Variants in PTPRT observed in about 807,000 individuals in gnomAD.
PTPRT encodes protein tyrosine phosphatase receptor type T, also known as receptor-type tyrosine-protein phosphatase T.
Under a neutral mutation model 176.8 loss-of-function variants are expected in PTPRT, and 56 were observed. That is an observed-to-expected ratio of 0.32 (90% confidence interval 0.26 to 0.40). PTPRT has a LOEUF of 0.40. Among genes scored for constraint, PTPRT ranks in the 10% least tolerant of loss-of-function variants. PTPRT has a pLI of 1.00. For synonymous variants in PTPRT, 783 were observed against 739.0 expected (o/e 1.06, Z -0.96); for missense variants, 1,540 against 1,908.2 (o/e 0.81, Z 3.60).
At chr20:42,799,752 C>A (rs1024510979) in intron 2 of PTPRT, among the ~76,000 whole-genome samples, 5 of 152,232 alleles carry the variant, frequency 3.3e-5, no homozygotes, top group African/African-American at 1.2e-4. Context: ...TTTAACCACA[C>A]ACTGCCCCGT....
chr20:42,532,963 C>T (rs2072411470), intron 7 of PTPRT, among the ~76,000 whole-genome samples: 1 of 152,152 alleles, frequency 6.6e-6, no homozygotes, highest in South Asian at 2.1e-4. Flanking sequence ...TCTCAAATCC[C>T]CACTCTTAAT....
intron 17 of PTPRT, among the ~76,000 whole-genome samples, chr20:42,160,449 A>G (rs542495972): frequency 6.6e-6 from 1 of 152,136 alleles, no homozygotes; most frequent in African/African-American, 2.4e-5. Context: ...GATTTGAAAC[A>G]AAAAGAGTGA....
intron 7 of PTPRT, among the ~76,000 whole-genome samples, chr20:42,561,411 T>G (rs1219422198): frequency 6.6e-6 from 1 of 152,146 alleles, no homozygotes; most frequent in East Asian, 1.9e-4. Flanking sequence ...TTGATGCATA[T>G]TTAATACCAA....
chr20:43,033,313 C>T (rs1986226188), intron 1 of PTPRT, among the ~76,000 whole-genome samples: 1 of 152,158 alleles, frequency 6.6e-6, no homozygotes, highest in Non-Finnish European at 1.5e-5. Flanking sequence ...CTCTCCCTGG[C>T]AGCTTCCTCC....
At chr20:42,795,440 T>C (rs773581642) in intron 2 of PTPRT, among the ~76,000 whole-genome samples, 64 of 152,250 alleles carry the variant, frequency 4.2e-4, no homozygotes, top group Non-Finnish European at 4.7e-4. Context: ...TGTTTACACA[T>C]GAGCACCTCA....
Position 42,359,659 on chromosome 20 carries a change from G to A in PTPRT, c.1561-7374C>T, listed in dbSNP as rs140109835. Among the ~76,000 whole-genome samples the A allele has an allele frequency of 5.7e-3, 875 of 152,338 alleles. 6 individuals are homozygous for A. Among genetic ancestry groups the A allele is most frequent in the Non-Finnish European group, 9.2e-3 (623 of 68,034 alleles). ...GCTCTATTTTGTACCCTCACCAGCCGAAGGGCCCTGGAGACAACAGAACAG... is the reference window on the plus strand; with the variant it reads ...GCTCTATTTTGTACCCTCACCAGCCAAAGGGCCCTGGAGACAACAGAACAG... On this transcript the variant is annotated intron_variant, in intron 9 of 30. Coordinates refer to ENST00000373187, the MANE Select transcript of PTPRT (RefSeq NM_007050.6).
At chr20:42,200,761 A>G (rs1161074003) in intron 15 of PTPRT, among the ~76,000 whole-genome samples, 1 of 152,212 alleles carries the variant, frequency 6.6e-6, no homozygotes. Flanking sequence ...TTATCACATG[A>G]AAGGCTATAG....
chr20:42,847,919 T>G (rs534426894), intron 2 of PTPRT, among the ~76,000 whole-genome samples: 156 of 152,320 alleles, frequency 1.0e-3, no homozygotes, highest in Admixed American at 3.1e-3. Context: ...TTCTGAGAGT[T>G]TGGTGTACCC....
At chr20:42,322,714 T>A (rs553366042) in intron 11 of PTPRT, among the ~76,000 whole-genome samples, 1 of 151,818 alleles carries the variant, frequency 6.6e-6, no homozygotes, top group African/African-American at 2.4e-5. Context: ...GGACTTCATG[T>A]CTAAAACACC....
intron 7 of PTPRT, among the ~76,000 whole-genome samples, chr20:42,476,433 G>C (rs1035844832): frequency 1.3e-5 from 2 of 152,164 alleles, no homozygotes; most frequent in African/African-American, 4.8e-5. Flanking sequence ...GCTGTGCCTG[G>C]ATCTCCTGTG....
chr20:42,615,699 A>G (rs2074061032), intron 7 of PTPRT, among the ~76,000 whole-genome samples: 2 of 124,162 alleles, frequency 1.6e-5, no homozygotes, highest in Admixed American at 7.5e-5. Context: ...GATGATGAGC[A>G]TTTTTTCATG....
At chr20:42,905,617 CAT>C (rs1301995194) in intron 1 of PTPRT, among the ~76,000 whole-genome samples, 2 of 152,136 alleles carry the variant, frequency 1.3e-5, no homozygotes, top group African/African-American at 4.8e-5. Flanking sequence ...CACATGCACA[CAT>C]ATGTTTATTG....
chr20:43,183,166 G>GA lies in PTPRT; in HGVS notation c.88+6479dup, dbSNP rs564481233. ...TGCATTTTTGCCAAATTGATGAGGGGAAAAAATGCTACTTCATAGATTTAA... is the reference window on the plus strand; with the variant it reads ...TGCATTTTTGCCAAATTGATGAGGGGAAAAAAATGCTACTTCATAGATTTAA... On this transcript the variant is annotated intron_variant, in intron 1 of 30. Coordinates refer to ENST00000373187, the MANE Select transcript of PTPRT (RefSeq NM_007050.6). Among the ~76,000 whole-genome samples, 31 of 152,272 alleles carry GA rather than the reference G, an allele frequency of 2.0e-4. No individual in the cohort carries two copies. In the South Asian group the frequency reaches 6.2e-3, roughly 31 times the overall value.
At chr20:42,220,072 G>A (rs1225515718) in intron 15 of PTPRT, among the ~76,000 whole-genome samples, 2 of 150,738 alleles carry the variant, frequency 1.3e-5, no homozygotes, top group African/African-American at 4.9e-5. Context: ...TATAAAAATC[G>A]GTTTCACTTC....
chr20:42,636,495 A>G (rs113218473), intron 7 of PTPRT, among the ~76,000 whole-genome samples: 1,728 of 152,206 alleles, frequency 0.011, 42 homozygotes, highest in African/African-American at 0.04. Context: ...GGATCTTAAA[A>G]TGGAGATGGG....
At chr20:42,756,720 C>A in intron 5 of PTPRT, 84 bp from the exon 6 acceptor site, 1 of 1,210,548 alleles carries the variant, frequency 8.3e-7, no homozygotes, top group Non-Finnish European at 1.1e-6. Flanking sequence ...ATCCACCCAT[C>A]CTCACACCCC....
chr20:42,452,335 T>C (rs562696179), intron 8 of PTPRT, among the ~76,000 whole-genome samples: 1 of 150,858 alleles, frequency 6.6e-6, no homozygotes, highest in Admixed American at 6.6e-5. Flanking sequence ...TAACTTACAA[T>C]GGTAGGGTCC....
At chr20:42,380,660 T>C (rs2058690311) in intron 9 of PTPRT, among the ~76,000 whole-genome samples, 1 of 152,214 alleles carries the variant, frequency 6.6e-6, no homozygotes, top group Non-Finnish European at 1.5e-5. Context: ...TTAGCGTAGC[T>C]TTGCATTGCA....
At chr20:42,568,287 C>A (rs887546473) in intron 7 of PTPRT, among the ~76,000 whole-genome samples, 2 of 152,198 alleles carry the variant, frequency 1.3e-5, no homozygotes, top group Admixed American at 1.3e-4. Flanking sequence ...TTCTTGAATG[C>A]CTACTGGCTG....
Sources: gnomAD v4.1 joint callset for allele counts (sites outside exome capture counted in the v4.1 genomes callset) on GRCh38, gnomAD v4.1.1 for gene constraint, MANE v1.5 for transcripts, NCBI Gene and HGNC (gene_info 2026-07-23, HGNC 2026-07-21) for gene names.